The following ECT2L variants were observed in gnomAD, a reference collection of about 807,000 sequenced individuals.
ECT2L encodes epithelial cell-transforming sequence 2 oncogene-like.
In ECT2L, 126 loss-of-function variants were observed where a neutral mutation model predicts 122.8. The observed-to-expected ratio is 1.03, with a 90% CI of 0.89 to 1.19. The LOEUF is 1.19. ECT2L is among the 50% of genes most tolerant of loss of function. ECT2L has a pLI of 0.00. For missense variants in ECT2L, 1,012 were observed against 1,064.1 expected (o/e 0.95, Z 0.68); for synonymous variants, 385 against 381.8 (o/e 1.01, Z -0.10).
At chr6:138,857,253 C>G (rs1777642619) in intron 10 of ECT2L, among the ~76,000 whole-genome samples, 1 of 152,142 alleles carries the variant, frequency 6.6e-6, no homozygotes, top group South Asian at 2.1e-4. Context: ...TTTCCCTCAC[C>G]ACTTTTTAAG....
chr6:138,845,916 A>C (rs1583583877), intron 7 of ECT2L, among the ~76,000 whole-genome samples: 1 of 150,208 alleles, frequency 6.7e-6, no homozygotes, highest in East Asian at 2.0e-4. Flanking sequence ...CCCCCCACCC[A>C]AAAAAAAATC....
chr6:138,808,239 ATTTTTGTTTTTG>A (rs918856043), intron 1 of ECT2L, among the ~76,000 whole-genome samples: 2 of 151,914 alleles, frequency 1.3e-5, no homozygotes, highest in African/African-American at 4.8e-5. Flanking sequence ...ATTGGATTTT[ATTTTTGTTTTTG>A]TTTTTGTTTT....
chr6:138,874,285 C>A lies in ECT2L; in HGVS notation c.1579-2187C>A, dbSNP rs188663898. Among the ~76,000 whole-genome samples the A allele has an allele frequency of 1.3e-3, 203 of 152,090 alleles. 2 individuals carry two copies. The Middle Eastern group carries it at 0.058, about 43-fold the overall frequency. Reference sequence around the variant, plus strand: ...AGAGCCAAGGCAAAGACCCACCAACCCAGAATGATAGTTGTCTTATAAATG... The same window carrying A: ...AGAGCCAAGGCAAAGACCCACCAACACAGAATGATAGTTGTCTTATAAATG... On this transcript the variant is annotated intron_variant, in intron 13 of 21. Coordinates refer to ENST00000541398, the MANE Select transcript of ECT2L (RefSeq NM_001077706.3).
chr6:138,895,213 C>G (rs770254579), intron 20 of ECT2L, among the ~76,000 whole-genome samples: 3 of 152,150 alleles, frequency 2.0e-5, no homozygotes, highest in Non-Finnish European at 4.4e-5. Context: ...GGAATGCCAT[C>G]CCCATGATTT....
chr6:138,834,311 CCCTA>C (rs199546585), intron 4 of ECT2L, among the ~76,000 whole-genome samples: 4,769 of 152,188 alleles, frequency 0.031, 112 homozygotes, highest in Middle Eastern at 0.092. Context: ...CTACAAACTA[CCCTA>C]CCTTAGTTCT....
intron 5 of ECT2L, among the ~76,000 whole-genome samples, chr6:138,841,542 C>T (rs901578293): frequency 2.0e-5 from 3 of 152,170 alleles, no homozygotes; most frequent in Non-Finnish European, 2.9e-5. Context: ...AAGCCTCTCC[C>T]GTCTTAGTGG....
At chr6:138,817,119 CAT>C (rs1308773703) in intron 4 of ECT2L, among the ~76,000 whole-genome samples, 12 of 152,248 alleles carry the variant, frequency 7.9e-5, no homozygotes, top group African/African-American at 1.9e-4. Context: ...TTTTGTTACA[CAT>C]GTCAGTACTT....
At chr6:138,876,808 C>T (rs1012824024) in intron 14 of ECT2L, among the ~76,000 whole-genome samples, 3 of 152,104 alleles carry the variant, frequency 2.0e-5, no homozygotes, top group Admixed American at 2.0e-4. Flanking sequence ...CTGTATGTTA[C>T]TCCCTGACTT....
At chr6:138,807,580 A>G (rs1486362605) in intron 1 of ECT2L, among the ~76,000 whole-genome samples, 1 of 152,238 alleles carries the variant, frequency 6.6e-6, no homozygotes. Context: ...TCCCAAAGCC[A>G]GTATCATAGG....
intron 5 of ECT2L, among the ~76,000 whole-genome samples, chr6:138,841,221 A>C (rs1351653172): frequency 2.6e-5 from 4 of 152,210 alleles, no homozygotes; most frequent in Non-Finnish European, 4.4e-5. Context: ...TCACCTGAGG[A>C]TCTCTCTATA....
At chr6:138,857,964 C>G (rs1191142915) in intron 10 of ECT2L, among the ~76,000 whole-genome samples, 1 of 152,168 alleles carries the variant, frequency 6.6e-6, no homozygotes, top group African/African-American at 2.4e-5. Context: ...AGAATGAGAA[C>G]TGAGGAAAAG....
rs969506790 is a variant in ECT2L at position 138,901,082 on chromosome 6, T to C, written c.2549T>C (p.Leu850Pro). 1.2e-6 allele frequency: 2 copies of C among 1,614,142 alleles called. No homozygotes were observed. The highest frequency in any genetic ancestry group is 1.7e-6 in the Non-Finnish European group (2 of 1,180,016). The stretch of plus-strand genomic sequence containing the variant: ...TACCAGTTCATTGCATCAGTGGCCC[T>C]TCATCGGTTACTCATAGAAAATATT... ...TTYQFIASVA[L>P]HRLLIENIPD... is the part of the protein sequence containing the mutation. Residue 850 changes from leucine (L) to proline (P), a missense_variant, in exon 21 of 22, where the codon CTT (leucine) becomes CCT (proline). By Grantham distance (98) the Leu-to-Pro change is moderately conservative (BLOSUM62 -3). Transcript: ENST00000541398.
At chr6:138,885,465 C>G (rs1339626663) in intron 16 of ECT2L, 41 bp from the exon 17 acceptor site, 1 of 1,590,012 alleles carries the variant, frequency 6.3e-7, no homozygotes, top group Non-Finnish European at 8.6e-7. Context: ...GACTTTACAA[C>G]TATCTCATAA....
intron 10 of ECT2L, 48 bp downstream of exon 10, chr6:138,854,202 G>T: frequency 6.4e-7 from 1 of 1,550,948 alleles, no homozygotes; most frequent in South Asian, 1.2e-5. Context: ...GCCACTTCAT[G>T]GGGATATGTT....
In ECT2L at chr6:138,885,500, T is replaced by G. The variant is rs759054304; in HGVS notation, c.2029-6T>G. The G allele has an allele frequency of 6.2e-7, 1 of 1,613,826 alleles. No individual in the cohort carries two copies. On this transcript the variant is annotated splice_region_variant and splice_polypyrimidine_tract_variant and intron_variant, in intron 16 of 21. Transcript: ENST00000541398. The stretch of plus-strand genomic sequence containing the variant: ...AAGTTTTGACAATATAATCCTCACC[T>G]TTTAGTGCAGAGAAATGATACCAGC...
chr6:138,813,379 T>C, intron 3 of ECT2L, 39 bp downstream of exon 3: 1 of 1,507,420 alleles, frequency 6.6e-7, no homozygotes, highest in Non-Finnish European at 9.1e-7. Context: ...GTTTAATTCG[T>C]AAGGTTAATT....
chr6:138,813,427 TA>T, intron 3 of ECT2L, 87 bp downstream of exon 3: 1 of 988,884 alleles, frequency 1.0e-6, no homozygotes. Flanking sequence ...GCCACATTTT[TA>T]AAGAAAAACT....
chr6:138,876,701 A>AG (rs1554277440), intron 14 of ECT2L, 143 bp downstream of exon 14: 1 of 597,302 alleles, frequency 1.7e-6, no homozygotes, highest in Non-Finnish European at 2.9e-6. Flanking sequence ...ATTATTAGAG[A>AG]GAATTCAGCT....
At chr6:138,896,180 C>T (rs1017805846) in intron 20 of ECT2L, among the ~76,000 whole-genome samples, 2 of 150,606 alleles carry the variant, frequency 1.3e-5, no homozygotes, top group Admixed American at 1.3e-4. Flanking sequence ...ATCCTCCCAA[C>T]TCGGCCTCCC....
Sources: gnomAD v4.1 joint callset for allele counts (sites outside exome capture counted in the v4.1 genomes callset) on GRCh38, gnomAD v4.1.1 for gene constraint, MANE v1.5 for transcripts, NCBI Gene and HGNC (gene_info 2026-07-23, HGNC 2026-07-21) for gene names.